LCORL: variants seen among roughly 807,000 people sequenced by gnomAD.
LCORL encodes the protein ligand dependent nuclear receptor corepressor like.
LCORL carries 41 observed loss-of-function variants against 141.8 expected under a neutral mutation model. That is an observed-to-expected ratio of 0.29 (90% CI 0.23 to 0.38). The LOEUF is 0.38. Among genes scored for constraint, LCORL ranks in the 10% least tolerant of loss-of-function variants. The probability of loss-of-function intolerance (pLI) is 1.00; values close to 1 mark genes in which losing one functional copy is unlikely to be tolerated. For missense variants in LCORL, 1,759 were observed against 2,035.0 expected (o/e 0.86, Z 2.61); for synonymous variants, 618 against 694.1 (o/e 0.89, Z 1.72).
intron 7 of LCORL, 79 bp downstream of exon 7, chr4:17,873,309 A>C (rs1048268098): frequency 2.2e-6 from 2 of 912,978 alleles, no homozygotes; most frequent in African/African-American, 3.4e-5. Flanking sequence ...AAACTGCATC[A>C]GCTGTTCCTT....
intron 7 of LCORL, among the ~76,000 whole-genome samples, chr4:17,864,069 G>A (rs1725324873): frequency 6.6e-6 from 1 of 152,002 alleles, no homozygotes; most frequent in Admixed American, 6.6e-5. Context: ...CCTGGGTGAT[G>A]AAATAATCTA....
At chr4:17,974,031 G>A (rs1168555008) in intron 1 of LCORL, among the ~76,000 whole-genome samples, 1 of 151,972 alleles carries the variant, frequency 6.6e-6, no homozygotes, top group African/African-American at 2.4e-5. Context: ...TGGTAAAAAA[G>A]TGAATGAACT....
intron 1 of LCORL, among the ~76,000 whole-genome samples, chr4:18,011,010 T>C (rs1723678485): frequency 6.6e-6 from 1 of 152,034 alleles, no homozygotes; most frequent in Non-Finnish European, 1.5e-5. Context: ...AAGAGCTCAG[T>C]TCTATTCCTC....
chr4:17,866,166 G>T (rs371823538), intron 7 of LCORL, among the ~76,000 whole-genome samples: 21 of 152,056 alleles, frequency 1.4e-4, no homozygotes, highest in African/African-American at 4.3e-4. Context: ...CCACACCTCA[G>T]CATTTTTTCC....
At chr4:17,842,498 T>C in exon 8 of LCORL, 1 of 776,070 alleles carries the variant, frequency 1.3e-6, no homozygotes, top group Non-Finnish European at 2.2e-6. Flanking sequence ...GTGAAAACTA[T>C]AAATAGCTGT....
intron 1 of LCORL, among the ~76,000 whole-genome samples, chr4:17,992,013 A>C (rs1159576295): frequency 1.3e-5 from 2 of 152,164 alleles, no homozygotes; most frequent in Non-Finnish European, 2.9e-5. Context: ...ATGACAAGTA[A>C]TCATACTATA....
chr4:17,998,230 AAT>A (rs1180070669), intron 1 of LCORL, among the ~76,000 whole-genome samples: 5 of 152,220 alleles, frequency 3.3e-5, no homozygotes, highest in African/African-American at 7.2e-5. Context: ...TGAGTGAGTG[AAT>A]GTGAAAGCCT....
chr4:17,967,504 G>C (rs1247492675), intron 2 of LCORL, among the ~76,000 whole-genome samples: 3 of 152,064 alleles, frequency 2.0e-5, no homozygotes, highest in Admixed American at 6.5e-5. Flanking sequence ...GAAACTCTCT[G>C]TACTTTCTAC....
At chr4:17,904,005 T>C (rs1731255347) in intron 5 of LCORL, among the ~76,000 whole-genome samples, 1 of 144,042 alleles carries the variant, frequency 6.9e-6, no homozygotes, top group Non-Finnish European at 1.6e-5. Context: ...CTTGGAGACA[T>C]AATAATTTTT....
rs574109933 is a variant in LCORL, at chr4:18,021,670, G to T, written c.82C>A (p.Arg28=). ...AATCCTCTTCTCTCCGCCGCGCACC[G>T]AGGGCTCCGGCACTGAGCGGCGGCG... The change falls in exon 1 of 8, where the codon CGG becomes AGG. Residue 28 remains arginine (R), a synonymous_variant. Transcript: ENST00000635767. This position sits in a 1 kb window ranked among gnomAD's most constrained non-coding sequence, Gnocchi z 5.5. The T allele has an allele frequency of 3.2e-6, 5 of 1,545,014 alleles. No homozygotes were observed. The highest frequency in any genetic ancestry group is 2.8e-5 in the African/African-American group (2 of 72,140).
intron 7 of LCORL, among the ~76,000 whole-genome samples, chr4:17,849,240 C>T (rs1231286138): frequency 1.3e-5 from 2 of 152,196 alleles, no homozygotes; most frequent in Non-Finnish European, 2.9e-5. Flanking sequence ...CAGGTGGGTC[C>T]CTGACCCCCG....
chr4:17,894,134 T>C (rs1403850449), intron 5 of LCORL, among the ~76,000 whole-genome samples: 2 of 152,072 alleles, frequency 1.3e-5, no homozygotes, highest in Admixed American at 1.3e-4. Flanking sequence ...TTCCCCAATT[T>C]ATGATGGGGC....
intron 5 of LCORL, among the ~76,000 whole-genome samples, chr4:17,894,543 G>T (rs60410849): frequency 0.023 from 3,462 of 152,194 alleles, 136 homozygotes; most frequent in African/African-American, 0.079. Flanking sequence ...TATGAAAAAC[G>T]TTTTCAAGAT....
chr4:17,906,894 C>T (rs1452764164), intron 5 of LCORL, among the ~76,000 whole-genome samples: 1 of 151,998 alleles, frequency 6.6e-6, no homozygotes, highest in Middle Eastern at 3.2e-3. Flanking sequence ...ACCATGTTGG[C>T]CAGGATGTTG....
intron 1 of LCORL, among the ~76,000 whole-genome samples, chr4:18,008,813 G>C (rs549266917): frequency 6.0e-4 from 92 of 152,296 alleles, no homozygotes; most frequent in Middle Eastern, 3.4e-3. Flanking sequence ...AGGGCTGAAA[G>C]TGATTAATTC....
At chr4:18,010,519 G>A (rs984598255) in intron 1 of LCORL, among the ~76,000 whole-genome samples, 2 of 151,788 alleles carry the variant, frequency 1.3e-5, no homozygotes, top group African/African-American at 2.4e-5. Context: ...GCATGATCTC[G>A]GCTCACTGCA....
At chr4:17,986,357 T>C (rs1488581363) in intron 1 of LCORL, among the ~76,000 whole-genome samples, 1 of 152,190 alleles carries the variant, frequency 6.6e-6, no homozygotes, top group Non-Finnish European at 1.5e-5. Context: ...GTTTTCCAAG[T>C]TGTTTTCTAT....
chr4:17,941,399 C>T (rs1292891725), intron 4 of LCORL, among the ~76,000 whole-genome samples: 2 of 151,772 alleles, frequency 1.3e-5, no homozygotes, highest in Non-Finnish European at 2.9e-5. Context: ...GCGAAGCTTA[C>T]GGTGAGCCGA....
chr4:17,926,646 T>C (rs755667686), intron 4 of LCORL, among the ~76,000 whole-genome samples: 23 of 152,250 alleles, frequency 1.5e-4, no homozygotes, highest in African/African-American at 2.2e-4. Flanking sequence ...CAGCCTATTA[T>C]GGGACTTCAC....
Sources: allele counts gnomAD v4.1 joint callset (sites outside exome capture counted in the v4.1 genomes callset), GRCh38; gene constraint gnomAD v4.1.1; non-coding constraint Gnocchi (gnomAD v3.1); transcripts MANE v1.5; gene names NCBI Gene and HGNC (gene_info 2026-07-23, HGNC 2026-07-21).